The following SLC67A2 variants were observed in gnomAD, a reference collection of about 807,000 sequenced individuals.
SLC67A2 encodes solute carrier family 67 member A2.
At chr2:102,736,770 C>T in the SLC67A2 span, 6 of 1,613,680 alleles carry the variant, frequency 3.7e-6, no homozygotes, top group Non-Finnish European at 4.2e-6. Context: ...CGAGACCAGC[C>T]TCGGGGCCGA....
the SLC67A2 span, among the ~76,000 whole-genome samples, chr2:102,730,234 C>T: frequency 6.6e-6 from 1 of 152,102 alleles, no homozygotes; most frequent in East Asian, 1.9e-4. Context: ...TTCTTAGAAA[C>T]AGGGTCTTCC....
At chr2:102,727,030 T>A in the SLC67A2 span, 2 of 1,579,594 alleles carry the variant, frequency 1.3e-6, no homozygotes, top group Non-Finnish European at 1.7e-6. Context: ...ACTACCACCA[T>A]GCAAATGACC....
the SLC67A2 span, among the ~76,000 whole-genome samples, chr2:102,730,267 C>A: frequency 1.4e-4 from 21 of 152,250 alleles, no homozygotes; most frequent in South Asian, 4.1e-3. Flanking sequence ...CCAGGCTAGA[C>A]TTGAATTCCT....
chr2:102,736,741 G>T, the SLC67A2 span: 1 of 1,613,752 alleles, frequency 6.2e-7, no homozygotes, highest in African/African-American at 1.3e-5. Flanking sequence ...TTCTGCTCCT[G>T]TTTCCGCTCT....
At chr2:102,726,510 A>T in the SLC67A2 span, among the ~76,000 whole-genome samples, 1 of 152,162 alleles carries the variant, frequency 6.6e-6, no homozygotes, top group Non-Finnish European at 1.5e-5. Context: ...GGTGTCAGTT[A>T]TAGTCACAAC....
chr2:102,731,885 C>T, the SLC67A2 span: 4 of 304,666 alleles, frequency 1.3e-5, no homozygotes, highest in East Asian at 9.2e-5. Flanking sequence ...GTGTTGGTGA[C>T]GGTGTGAGAA....
the SLC67A2 span, chr2:102,716,575 C>T: frequency 6.6e-6 from 1 of 152,186 alleles, no homozygotes; most frequent in Non-Finnish European, 1.5e-5. Flanking sequence ...GGACAATCTT[C>T]AAACTAAAAC....
the SLC67A2 span, chr2:102,723,978 G>T: frequency 7.6e-7 from 1 of 1,313,434 alleles, no homozygotes; most frequent in Non-Finnish European, 1.1e-6. Flanking sequence ...ATGATCCTGT[G>T]CTTAACCTCT....
the SLC67A2 span, among the ~76,000 whole-genome samples, chr2:102,735,335 T>C: frequency 8.1e-3 from 1,228 of 152,342 alleles, 23 homozygotes; most frequent in African/African-American, 0.027. Context: ...CATGCTTTCA[T>C]GGTGATCTTA....
the SLC67A2 span, chr2:102,718,657 C>T: frequency 5.1e-5 from 82 of 1,613,752 alleles, no homozygotes; most frequent in Non-Finnish European, 6.9e-5. Flanking sequence ...GCTGGAGGTC[C>T]GTGATGCACG....
chr2:102,719,028 C>T, the SLC67A2 span: 16 of 1,614,122 alleles, frequency 9.9e-6, no homozygotes, highest in Middle Eastern at 3.3e-4. Flanking sequence ...TTCCGCAAGG[C>T]CAACACTACT....
the SLC67A2 span, among the ~76,000 whole-genome samples, chr2:102,728,723 C>T: frequency 3.3e-5 from 5 of 152,180 alleles, no homozygotes; most frequent in East Asian, 1.9e-4. Context: ...TTGGGCTCAA[C>T]GCTGAACTCA....
chr2:102,724,272 C>CTTT, the SLC67A2 span, among the ~76,000 whole-genome samples: 1 of 152,148 alleles, frequency 6.6e-6, no homozygotes, highest in Non-Finnish European at 1.5e-5. Context: ...AGTTTTCACT[C>CTTT]TTTACACATT....
At chr2:102,730,574 G>A in the SLC67A2 span, among the ~76,000 whole-genome samples, 1 of 147,324 alleles carries the variant, frequency 6.8e-6, no homozygotes. Context: ...ACAGAGTCTC[G>A]CTCTGTCGTC....
At chr2:102,724,498 T>C in the SLC67A2 span, among the ~76,000 whole-genome samples, 1 of 152,286 alleles carries the variant, frequency 6.6e-6, no homozygotes, top group African/African-American at 2.4e-5. Flanking sequence ...ATATAACTTT[T>C]AATAAGAAAT....
At chr2:102,716,366 T>C in the SLC67A2 span, 3 of 152,258 alleles carry the variant, frequency 2.0e-5, no homozygotes, top group African/African-American at 7.2e-5. Context: ...TGAAATTCTA[T>C]TTCATTGCAT....
At chr2:102,717,951 A>G in the SLC67A2 span, 1 of 157,584 alleles carries the variant, frequency 6.3e-6, no homozygotes, top group African/African-American at 2.4e-5. Flanking sequence ...ACTCCCTCCT[A>G]GTGTATGGAA....
At chr2:102,731,064 G>A in the SLC67A2 span, 1 of 1,613,570 alleles carries the variant, frequency 6.2e-7, no homozygotes, top group South Asian at 1.1e-5. Context: ...TGCCATAGGA[G>A]GAGCCTGTAA....
At chr2:102,736,606 A>T in the SLC67A2 span, 1 of 1,613,570 alleles carries the variant, frequency 6.2e-7, no homozygotes, top group Non-Finnish European at 8.5e-7. Flanking sequence ...AGGCCCGAAC[A>T]CAGTCAGCAC....
Sources: gnomAD v4.1 joint callset for allele counts (sites outside exome capture counted in the v4.1 genomes callset) on GRCh38, gnomAD v4.1.1 for gene constraint, MANE v1.5 for transcripts, NCBI Gene and HGNC (gene_info 2026-07-23, HGNC 2026-07-21) for gene names.